Variants in SAMD3 observed in about 807,000 individuals in gnomAD.
SAMD3 encodes sterile alpha motif domain containing 3.
SAMD3 carries 63 observed loss-of-function variants against 58.5 expected under a neutral mutation model. The ratio of observed to expected loss-of-function variants is 1.08; its 90% CI spans 0.88 to 1.33. The LOEUF (loss-of-function observed/expected upper bound fraction) is 1.33. Among genes scored for constraint, SAMD3 ranks in the 40% most tolerant of loss-of-function variants. The pLI, the probability that SAMD3 is intolerant of heterozygous loss-of-function variation, is 0.00. For synonymous variants in SAMD3, 220 were observed against 210.3 expected, an observed-to-expected ratio of 1.05 and a Z score of -0.40; for missense variants, 604 against 608.4, an observed-to-expected ratio of 0.99 and a Z score of 0.08.
chr6:130,148,318 T>G (rs1012800177), intron 9 of SAMD3, among the ~76,000 whole-genome samples: 6 of 152,246 alleles, frequency 3.9e-5, no homozygotes, highest in African/African-American at 1.4e-4. Flanking sequence ...ACAAATCTGA[T>G]CCTTTCATTA....
intron 5 of SAMD3, among the ~76,000 whole-genome samples, chr6:130,203,234 A>T (rs760602739): frequency 5.3e-5 from 8 of 150,494 alleles, no homozygotes; most frequent in Non-Finnish European, 1.2e-4. Context: ...CCCAGACAAG[A>T]ACAACAATAG....
At chr6:130,362,146 C>A (rs578100437) in intron 1 of SAMD3, among the ~76,000 whole-genome samples, 1 of 152,308 alleles carries the variant, frequency 6.6e-6, no homozygotes, top group Non-Finnish European at 1.5e-5. Flanking sequence ...ATAAGCAGAG[C>A]ACCAGGGAAG....
Position 130,222,692 on chromosome 6 carries a change from A to G in SAMD3, c.-68+2T>C, listed in dbSNP as rs1937231807. Reference sequence around the variant, plus strand: ...AGAGAAAAGGTAAAAAGTGATATTTACGGATTATTGCTGGAGAGGCTTTTG... The same window carrying G: ...AGAGAAAAGGTAAAAAGTGATATTTGCGGATTATTGCTGGAGAGGCTTTTG... On this transcript the variant is annotated splice_donor_variant, in intron 1 of 11. Transcript: ENST00000439090. LOFTEE classifies it low-confidence loss of function (5UTR_SPLICE). 6.6e-6 allele frequency: 1 copy of G among 152,348 alleles called. No homozygotes were observed. Among genetic ancestry groups the G allele is most frequent in the Middle Eastern group, 3.4e-3 (1 of 294 alleles). The allele number at this position is 152,348 out of a possible 1,614,324, so 9.4% of individuals were successfully genotyped here. A position where few individuals can be genotyped will look rare whatever the true frequency, so the allele number is the denominator to read the frequency against.
intron 1 of SAMD3, among the ~76,000 whole-genome samples, chr6:130,345,769 GC>G (rs1440805863): frequency 6.6e-6 from 1 of 152,150 alleles, no homozygotes; most frequent in African/African-American, 2.4e-5. Flanking sequence ...TACAAAAGAA[GC>G]CTGCCTGACT....
intron 4 of SAMD3, among the ~76,000 whole-genome samples, chr6:130,210,184 A>C (rs1246268995): frequency 6.6e-6 from 1 of 152,244 alleles, no homozygotes; most frequent in Non-Finnish European, 1.5e-5. Context: ...CAGTTTCAAC[A>C]AGAACAACAA....
intron 2 of SAMD3, among the ~76,000 whole-genome samples, chr6:130,255,537 C>G (rs9388778): frequency 6.6e-6 from 1 of 152,124 alleles, no homozygotes; most frequent in Non-Finnish European, 1.5e-5. Flanking sequence ...GATCGCTTTT[C>G]TACAGTTTTA....
At chr6:130,245,339 T>C (rs1211423116) in intron 2 of SAMD3, among the ~76,000 whole-genome samples, 1 of 152,260 alleles carries the variant, frequency 6.6e-6, no homozygotes, top group Non-Finnish European at 1.5e-5. Flanking sequence ...GACACTTTTA[T>C]ATTTCATCTT....
At chr6:130,145,166 C>T (rs949269349) in intron 11 of SAMD3, among the ~76,000 whole-genome samples, 174 bp downstream of exon 11, 4 of 151,966 alleles carry the variant, frequency 2.6e-5, no homozygotes, top group African/African-American at 4.8e-5. Context: ...GGCTGAGGCA[C>T]GAGAATCGCT....
chr6:130,184,722 C>T (rs1582835722), intron 5 of SAMD3, 99 bp from the exon 6 acceptor site: 2 of 951,696 alleles, frequency 2.1e-6, no homozygotes, highest in East Asian at 5.3e-5. Context: ...AACAACTTTC[C>T]TGAGACCCAA....
At chr6:130,212,615 A>C (rs1795668238) in intron 4 of SAMD3, among the ~76,000 whole-genome samples, 1 of 152,264 alleles carries the variant, frequency 6.6e-6, no homozygotes, top group Admixed American at 6.5e-5. Context: ...CAAGAATGCC[A>C]ACATTTAATA....
chr6:130,266,853 G>A (rs1159462284), intron 2 of SAMD3, among the ~76,000 whole-genome samples: 1 of 152,170 alleles, frequency 6.6e-6, no homozygotes, highest in Non-Finnish European at 1.5e-5. Flanking sequence ...GATGATGAAT[G>A]GCCTCCTGAG....
rs1795840110 is a variant in SAMD3, at chr6:130,214,319, AT to A, written c.269+17del. 1.3e-6 allele frequency: 2 copies of A among 1,526,740 alleles called. No homozygotes were observed. The highest frequency in any genetic ancestry group is 1.8e-6 in the Non-Finnish European group (2 of 1,138,094). The allele number at this position is 1,526,740 out of a possible 1,614,324, so 94.6% of individuals were successfully genotyped here. ...AAGCTTGGGAAAAAAAAATAAGGCC[AT>A]TTATGAACATACTCACTCTCGAGCT... On this transcript the variant is annotated intron_variant, in intron 4 of 11. Coordinates refer to ENST00000439090, the MANE Select transcript of SAMD3 (RefSeq NM_001017373.4).
intron 2 of SAMD3, among the ~76,000 whole-genome samples, chr6:130,273,038 A>T (rs527390748): frequency 1.3e-4 from 19 of 150,388 alleles, no homozygotes; most frequent in Admixed American, 4.7e-4. Flanking sequence ...TTCTTTATTG[A>T]TTTTTTTATG....
intron 2 of SAMD3, 143 bp from the exon 3 acceptor site, chr6:130,215,437 G>A: frequency 7.2e-6 from 9 of 1,254,002 alleles, no homozygotes; most frequent in Non-Finnish European, 8.1e-6. Flanking sequence ...TTTTTACAAT[G>A]TACATTTAAA....
chr6:130,216,202 T>A (rs1795994668), intron 2 of SAMD3, among the ~76,000 whole-genome samples: 1 of 151,680 alleles, frequency 6.6e-6, no homozygotes, highest in Non-Finnish European at 1.5e-5. Flanking sequence ...GCTTATTCCT[T>A]GTTTTTGTAA....
At chr6:130,314,219 T>A (rs1018032148) in intron 1 of SAMD3, among the ~76,000 whole-genome samples, 100 of 152,238 alleles carry the variant, frequency 6.6e-4, no homozygotes, top group Non-Finnish European at 1.2e-3. Flanking sequence ...TTTTCATGTT[T>A]CTTTTGTTCT....
At chr6:130,270,069 A>AGAAT (rs772605013) in intron 2 of SAMD3, among the ~76,000 whole-genome samples, 1 of 152,132 alleles carries the variant, frequency 6.6e-6, no homozygotes, top group Non-Finnish European at 1.5e-5. Context: ...TCATAATTAT[A>AGAAT]GAATTTTTAA....
At chr6:130,313,312 A>G (rs1363092638) in intron 1 of SAMD3, among the ~76,000 whole-genome samples, 1 of 152,148 alleles carries the variant, frequency 6.6e-6, no homozygotes, top group Non-Finnish European at 1.5e-5. Context: ...GTGTATTTGT[A>G]GGATGTTTAG....
chr6:130,206,019 C>T (rs985468542), intron 5 of SAMD3, among the ~76,000 whole-genome samples: 5 of 152,172 alleles, frequency 3.3e-5, no homozygotes, highest in Non-Finnish European at 2.9e-5. Context: ...ATGGTGGGAC[C>T]ACCATCTGAG....
Sources: gnomAD v4.1 joint callset for allele counts (sites outside exome capture counted in the v4.1 genomes callset) on GRCh38, gnomAD v4.1.1 for gene constraint, MANE v1.5 for transcripts, NCBI Gene and HGNC (gene_info 2026-07-23, HGNC 2026-07-21) for gene names.